Variants in CSMD1 observed in about 807,000 individuals in gnomAD.
CSMD1 encodes CUB and Sushi multiple domains 1.
Under a neutral mutation model 417.5 loss-of-function variants are expected in CSMD1, and 213 were observed. That is an observed-to-expected ratio of 0.51 (90% CI 0.46 to 0.57). The LOEUF is 0.57. Among genes scored for constraint, CSMD1 ranks in the 20% least tolerant of loss-of-function variants. The pLI is 0.00. For missense variants in CSMD1, 6,923 were observed against 4,529.7 expected (o/e 1.53, Z -15.17); for synonymous variants, 2,862 against 1,736.8 (o/e 1.65, Z -16.11).
At chr8:3,141,640 A>T (rs1367679203) in intron 41 of CSMD1, among the ~76,000 whole-genome samples, 1 of 152,124 alleles carries the variant, frequency 6.6e-6, no homozygotes, top group African/African-American at 2.4e-5. Flanking sequence ...CTGGTGGATC[A>T]GCTGACACCA....
chr8:4,719,455 C>A (rs140982218), intron 1 of CSMD1, among the ~76,000 whole-genome samples: 90 of 152,106 alleles, frequency 5.9e-4, no homozygotes, highest in African/African-American at 2.1e-3. Context: ...TTGCTGCTTC[C>A]TTTCTTCCAG....
chr8:4,604,332 CAA>C, intron 2 of CSMD1, among the ~76,000 whole-genome samples: 1 of 149,466 alleles, frequency 6.7e-6, no homozygotes, highest in Non-Finnish European at 1.5e-5. Flanking sequence ...GTTATATATA[CAA>C]TATATATATA....
chr8:3,355,898 G>T (rs751108766), intron 21 of CSMD1, among the ~76,000 whole-genome samples: 1 of 151,962 alleles, frequency 6.6e-6, no homozygotes, highest in African/African-American at 2.4e-5. Context: ...AGAAGAGAGG[G>T]TTTGAGCATT....
At chr8:4,053,292 C>T (rs186969855) in intron 3 of CSMD1, among the ~76,000 whole-genome samples, 1 of 152,202 alleles carries the variant, frequency 6.6e-6, no homozygotes. Flanking sequence ...ACTGACAGTG[C>T]TTAGCATTGC....
intron 2 of CSMD1, among the ~76,000 whole-genome samples, chr8:4,491,491 C>A (rs558770026): frequency 6.6e-6 from 1 of 152,244 alleles, no homozygotes; most frequent in East Asian, 1.9e-4. Flanking sequence ...GTTGGTGTAT[C>A]ATTTTGGTAA....
intron 1 of CSMD1, among the ~76,000 whole-genome samples, chr8:4,904,781 G>A (rs891209822): frequency 1.3e-5 from 2 of 152,038 alleles, no homozygotes; most frequent in African/African-American, 4.8e-5. Context: ...AACTTCAGCA[G>A]TTATTTTGGA....
At chr8:4,806,884 C>G (rs1345799605) in intron 1 of CSMD1, among the ~76,000 whole-genome samples, 1 of 152,156 alleles carries the variant, frequency 6.6e-6, no homozygotes, top group African/African-American at 2.4e-5. Flanking sequence ...GATGGTCTTA[C>G]CCTTCCTAGG....
intron 3 of CSMD1, among the ~76,000 whole-genome samples, chr8:4,102,846 G>A (rs1023922866): frequency 3.9e-5 from 6 of 152,254 alleles, no homozygotes; most frequent in African/African-American, 1.4e-4. Flanking sequence ...ATATCAGGAA[G>A]GAATCTATCC....
chr8:3,773,724 G>C (rs1014542837), intron 5 of CSMD1, among the ~76,000 whole-genome samples: 1 of 152,132 alleles, frequency 6.6e-6, no homozygotes, highest in East Asian at 1.9e-4. Context: ...AATTGATGAT[G>C]AGGAGGGCAA....
At chr8:3,133,868 C>T (rs573327707) in intron 41 of CSMD1, among the ~76,000 whole-genome samples, 1 of 152,226 alleles carries the variant, frequency 6.6e-6, no homozygotes, top group Non-Finnish European at 1.5e-5. Flanking sequence ...CGAATTCTTG[C>T]AAAGTCCTAG....
chr8:3,401,807 T>C (rs1812055348), intron 15 of CSMD1, among the ~76,000 whole-genome samples: 1 of 152,228 alleles, frequency 6.6e-6, no homozygotes, highest in Non-Finnish European at 1.5e-5. Context: ...TCCTTTAATC[T>C]ACAAGATTCA....
chr8:4,375,150 C>G (rs1235943934), intron 3 of CSMD1, among the ~76,000 whole-genome samples: 1 of 152,080 alleles, frequency 6.6e-6, no homozygotes, highest in Admixed American at 6.6e-5. Flanking sequence ...GGTGAAAATA[C>G]AGTGTTAGGG....
intron 1 of CSMD1, among the ~76,000 whole-genome samples, chr8:4,889,104 G>T (rs62484652): frequency 1.3e-5 from 2 of 152,082 alleles, no homozygotes; most frequent in Admixed American, 1.3e-4. Flanking sequence ...AACGGAATAT[G>T]TGCAATGTCC....
chr8:3,909,672 T>A (rs1808330518), intron 5 of CSMD1, among the ~76,000 whole-genome samples: 1 of 152,142 alleles, frequency 6.6e-6, no homozygotes, highest in African/African-American at 2.4e-5. Context: ...AACCCTCCTT[T>A]TCCTAACATC....
At chr8:3,244,814 G>A (rs779549817) in intron 26 of CSMD1, among the ~76,000 whole-genome samples, 6 of 152,194 alleles carry the variant, frequency 3.9e-5, no homozygotes, top group Non-Finnish European at 7.3e-5. Flanking sequence ...GTCACAGATG[G>A]GTGCGGGATC....
intron 3 of CSMD1, among the ~76,000 whole-genome samples, chr8:4,328,094 A>T (rs1047904691): frequency 2.0e-5 from 3 of 152,202 alleles, no homozygotes; most frequent in Admixed American, 2.0e-4. Flanking sequence ...ATGTAACAGA[A>T]ACTATGCAAA....
At chr8:3,833,146 T>C (rs1193537849) in intron 5 of CSMD1, among the ~76,000 whole-genome samples, 1 of 152,168 alleles carries the variant, frequency 6.6e-6, no homozygotes, top group East Asian at 1.9e-4. Flanking sequence ...CAACTTCCTC[T>C]CTTTAAAATT....
chr8:4,018,106 A>T (rs1796610952), intron 4 of CSMD1, among the ~76,000 whole-genome samples: 1 of 152,236 alleles, frequency 6.6e-6, no homozygotes, highest in Non-Finnish European at 1.5e-5. Context: ...ATTGTATGGC[A>T]TAAAGTATCC....
intron 7 of CSMD1, among the ~76,000 whole-genome samples, chr8:3,659,791 T>A (rs370631499): frequency 6.6e-6 from 1 of 152,084 alleles, no homozygotes; most frequent in Non-Finnish European, 1.5e-5. Context: ...CAATACGCAA[T>A]AGAACTGGGA....
Sources: allele counts gnomAD v4.1 joint callset (sites outside exome capture counted in the v4.1 genomes callset), GRCh38; gene constraint gnomAD v4.1.1; transcripts MANE v1.5; gene names NCBI Gene and HGNC (gene_info 2026-07-23, HGNC 2026-07-21).